Variants in ZNF224 observed in about 807,000 individuals in gnomAD.
The protein encoded by ZNF224 is zinc finger protein 224.
A neutral mutation model predicts 10.5 loss-of-function variants in ZNF224; 8 were observed. The ratio of observed to expected loss-of-function variants is 0.76; its 90% CI spans 0.45 to 1.37. The LOEUF is 1.37. Among genes scored for constraint, ZNF224 ranks in the 40% most tolerant of loss-of-function variants. The pLI is 0.00. For synonymous variants in ZNF224, 282 were observed against 287.8 expected, an observed-to-expected ratio of 0.98 and a Z score of 0.20; for missense variants, 754 against 854.0, an observed-to-expected ratio of 0.88 and a Z score of 1.46.
Position 44,106,935 on chromosome 19 carries a change from C to T in ZNF224, c.775C>T (p.Pro259Ser). ...VHHKLHTGEK[P>S]YNCEECGKAF... Reference sequence around the variant, plus strand: ...TCATAAATTACACACAGGAGAGAAACCTTATAATTGTGAGGAATGCGGGAA... The same window carrying T: ...TCATAAATTACACACAGGAGAGAAATCTTATAATTGTGAGGAATGCGGGAA... The change falls in exon 6 of 6, where the codon CCT (proline) becomes TCT (serine). Residue 259 changes from proline (P) to serine (S), a missense_variant. Transcript: ENST00000693561. The T allele has an allele frequency of 3.7e-6, 6 of 1,609,340 alleles. No homozygotes were observed. The highest frequency in any genetic ancestry group is 5.1e-6 in the Non-Finnish European group (6 of 1,177,206).
At position 44,108,402 on chromosome 19, in the gene ZNF224, TA is replaced by T. The variant is rs1967752827; in HGVS notation, c.*119del. ...CACATAGTAAGCACTTCCCTTTGAG[TA>T]TTTTATCTCTGAATCCATGCTGGTG... On this transcript the variant is annotated 3_prime_UTR_variant, in exon 6 of 6. Transcript: ENST00000693561. The T allele has an allele frequency of 4.8e-6, 5 of 1,046,020 alleles. No individual in the cohort carries two copies. Among genetic ancestry groups the T allele is most frequent in the Admixed American group, 5.6e-5 (2 of 35,618 alleles). The allele number at this position is 1,046,020 out of a possible 1,614,324, so 64.8% of individuals were successfully genotyped here.
At chr19:44,095,173 G>A in intron 1 of ZNF224, 1 of 231,398 alleles carries the variant, frequency 4.3e-6, no homozygotes, top group South Asian at 7.5e-5. Context: ...GTGGTCCTTG[G>A]CTCTTTGACC....
intron 5 of ZNF224, among the ~76,000 whole-genome samples, chr19:44,104,208 G>C (rs1393582618): frequency 6.6e-6 from 1 of 151,822 alleles, no homozygotes; most frequent in East Asian, 1.9e-4. Flanking sequence ...CCAAATTATT[G>C]TTCACATCTA....
rs1967741256 is a variant in ZNF224, at chr19:44,108,042, C to T, written c.1882C>T (p.Gln628Ter). 6.2e-7 allele frequency: 1 copy of T among 1,612,056 alleles called. No individual in the cohort carries two copies. Among genetic ancestry groups the T allele is most frequent in the Non-Finnish European group, 8.5e-7 (1 of 1,178,708 alleles). Residue 628 changes from glutamine to a stop codon, truncating the protein, a stop_gained, in exon 6 of 6, where the codon CAG becomes TAG. Coordinates refer to ENST00000693561, the MANE Select transcript of ZNF224 (RefSeq NM_001321645.3). LOFTEE classifies it low-confidence loss of function (END_TRUNC). ...HSRETPLKCE[Q>*]HGKNIVQNSF... Reference sequence around the variant, plus strand: ...CAGAGAAACACCTCTCAAATGTGAGCAGCATGGGAAGAACATTGTACAGAA... The same window carrying T: ...CAGAGAAACACCTCTCAAATGTGAGTAGCATGGGAAGAACATTGTACAGAA...
intron 1 of ZNF224, chr19:44,095,927 A>AC (rs1490778789): frequency 3.8e-4 from 58 of 151,762 alleles, no homozygotes; most frequent in African/African-American, 1.3e-3. Context: ...CGTCTCAAAA[A>AC]AAAAAAAAAA....
chr19:44,102,504 T>G (rs549246148), intron 5 of ZNF224, among the ~76,000 whole-genome samples: 2 of 152,344 alleles, frequency 1.3e-5, no homozygotes, highest in Non-Finnish European at 1.5e-5. Context: ...CCTGAAATTA[T>G]GGAGAGAACT....
chr19:44,107,670 A>G lies in ZNF224; in HGVS notation c.1510A>G (p.Arg504Gly). The change falls in exon 6 of 6, where the codon AGA becomes GGA. Residue 504 changes from arginine to glycine, a missense_variant. Coordinates refer to ENST00000693561, the MANE Select transcript of ZNF224 (RefSeq NM_001321645.3). Reference protein sequence around the residue: ...TQNSHLHSHQRVHTGEKPYKC... With the variant: ...TQNSHLHSHQGVHTGEKPYKC... The stretch of plus-strand genomic sequence containing the variant: ...AAATTCACATCTTCATTCCCATCAG[A>G]GAGTTCACACTGGAGAAAAGCCATA... 1.2e-6 allele frequency: 2 copies of G among 1,614,126 alleles called. No individual in the cohort carries two copies. Among genetic ancestry groups the G allele is most frequent in the South Asian group, 2.2e-5 (2 of 91,084 alleles).
chr19:44,106,857 A>G lies in ZNF224; in HGVS notation c.697A>G (p.Lys233Glu), dbSNP rs1967677092. 6.2e-7 allele frequency: 1 copy of G among 1,612,736 alleles called. No homozygotes were observed. The highest frequency in any genetic ancestry group is 8.5e-7 in the Non-Finnish European group (1 of 1,179,198). Residue 233 changes from lysine to glutamate, a missense_variant, in exon 6 of 6, where the codon AAA becomes GAA. Transcript: ENST00000693561. ...AGTCCACACTGGAGAGAAACCGTTC[A>G]AATGTGTGGAATGTGGGAAAGGCTT... The part of the protein sequence containing the change: ...QRVHTGEKPF[K>E]CVECGKGFSR...
At chr19:44,104,578 C>A (rs1568530827) in intron 5 of ZNF224, among the ~76,000 whole-genome samples, 1 of 152,096 alleles carries the variant, frequency 6.6e-6, no homozygotes, top group Non-Finnish European at 1.5e-5. Context: ...ATTGTATTCT[C>A]CCCATAGAGT....
chr19:44,102,517 T>C (rs569056819), intron 5 of ZNF224, among the ~76,000 whole-genome samples: 44 of 152,308 alleles, frequency 2.9e-4, no homozygotes, highest in Admixed American at 1.6e-3. Flanking sequence ...AGAGAACTAA[T>C]AAGTGAAACA....
chr19:44,097,639 A>G (rs769318147), intron 2 of ZNF224, 167 bp from the exon 3 acceptor site: 5 of 510,904 alleles, frequency 9.8e-6, no homozygotes, highest in Middle Eastern at 9.9e-4. Context: ...TGATTTGTCT[A>G]TTCATTTACC....
At chr19:44,103,522 T>C (rs1007165513) in intron 5 of ZNF224, among the ~76,000 whole-genome samples, 2 of 152,212 alleles carry the variant, frequency 1.3e-5, no homozygotes, top group Admixed American at 1.3e-4. Flanking sequence ...GATACCTTTC[T>C]TGCTTGTCAT....
intron 2 of ZNF224, among the ~76,000 whole-genome samples, chr19:44,096,887 T>C (rs1967445504): frequency 6.6e-6 from 1 of 152,212 alleles, no homozygotes; most frequent in Non-Finnish European, 1.5e-5. Context: ...ACATTATGCA[T>C]TGTTGGTAGG....
intron 3 of ZNF224, among the ~76,000 whole-genome samples, chr19:44,100,164 T>C (rs1338145151): frequency 1.3e-5 from 2 of 152,232 alleles, no homozygotes; most frequent in Non-Finnish European, 1.5e-5. Flanking sequence ...ACGATCATTA[T>C]ATAGAGAGGA....
At chr19:44,105,624 G>A (rs1328722045) in intron 5 of ZNF224, 1 of 152,178 alleles carries the variant, frequency 6.6e-6, no homozygotes, top group Non-Finnish European at 1.5e-5. Flanking sequence ...CACCTGAGTA[G>A]TGTACATTGT....
At chr19:44,096,574 A>T (rs1419996017) in intron 2 of ZNF224, 143 bp downstream of exon 2, 1 of 152,228 alleles carries the variant, frequency 6.6e-6, no homozygotes, top group Admixed American at 6.5e-5. Context: ...ATTATCTATT[A>T]TACAGTGCTA....
intron 5 of ZNF224, among the ~76,000 whole-genome samples, chr19:44,104,747 C>T (rs1205370084): frequency 6.6e-6 from 1 of 152,054 alleles, no homozygotes. Flanking sequence ...CTGCAAGCTC[C>T]AACTCCTGGG....
At position 44,109,001 on chromosome 19, in the gene ZNF224, C is replaced by G. The variant is rs906011711; in HGVS notation, c.*717C>G. 1 of 213,556 alleles carries G rather than the reference C, an allele frequency of 4.7e-6. No homozygotes were observed. The highest frequency in any genetic ancestry group is 5.2e-5 in the Admixed American group (1 of 19,416). The allele number at this position is 213,556 out of a possible 1,614,324, so 13.2% of individuals were successfully genotyped here. ...TTGCACTTGGCTCCTGGCTTCCCCC[C>G]ATCCTGTGCTCTGAAGTCAGAGTAT... On this transcript the variant is annotated 3_prime_UTR_variant, in exon 6 of 6. Transcript: ENST00000693561.
chr19:44,100,563 C>T (rs757040111), intron 3 of ZNF224, among the ~76,000 whole-genome samples: 2 of 152,138 alleles, frequency 1.3e-5, no homozygotes, highest in Non-Finnish European at 2.9e-5. Flanking sequence ...CAAGAAGACT[C>T]AATGATTGCA....
Sources: gnomAD v4.1 joint callset for allele counts (sites outside exome capture counted in the v4.1 genomes callset) on GRCh38, gnomAD v4.1.1 for gene constraint, MANE v1.5 for transcripts, NCBI Gene and HGNC (gene_info 2026-07-23, HGNC 2026-07-21) for gene names.